ELAVL2: variants seen among roughly 807,000 people sequenced by gnomAD.
ELAVL2 encodes the protein ELAV like RNA binding protein 2.
A neutral mutation model predicts 34.6 loss-of-function variants in ELAVL2; 4 were observed. The observed-to-expected ratio is 0.12, with a 90% CI of 0.06 to 0.26. The LOEUF is 0.26. Among genes scored for constraint, ELAVL2 ranks in the 10% least tolerant of loss-of-function variants. ELAVL2 has a pLI of 1.00. For missense variants in ELAVL2, 432 were observed against 442.8 expected, an observed-to-expected ratio of 0.98 and a Z score of 0.22; for synonymous variants, 193 against 154.8, an observed-to-expected ratio of 1.25 and a Z score of -1.83.
At chr9:23,833,119 T>C in the ELAVL2 span, among the ~76,000 whole-genome samples, 7 of 152,076 alleles carry the variant, frequency 4.6e-5, no homozygotes, top group East Asian at 5.8e-4. Flanking sequence ...GTGTATCCTT[T>C]AATGAGAGAG....
chr9:23,770,826 G>A (rs1438747623), intron 1 of ELAVL2, among the ~76,000 whole-genome samples: 2 of 152,100 alleles, frequency 1.3e-5, no homozygotes, highest in Admixed American at 1.3e-4. Flanking sequence ...TTTGTTAGAG[G>A]TCTAACAGGA....
intron 2 of ELAVL2, among the ~76,000 whole-genome samples, chr9:23,761,621 C>T (rs1420883749): frequency 6.6e-6 from 1 of 151,958 alleles, no homozygotes; most frequent in Non-Finnish European, 1.5e-5. Context: ...AAGGAAAACA[C>T]ATTTTAAGAT....
chr9:23,697,727 C>G (rs1051099750), intron 5 of ELAVL2, among the ~76,000 whole-genome samples: 2 of 151,936 alleles, frequency 1.3e-5, no homozygotes, highest in African/African-American at 4.8e-5. Context: ...TGCCTAATTT[C>G]TAAAAAAATT....
At chr9:23,777,137 A>G (rs1250323815) in intron 1 of ELAVL2, among the ~76,000 whole-genome samples, 1 of 152,244 alleles carries the variant, frequency 6.6e-6, no homozygotes, top group Non-Finnish European at 1.5e-5. Flanking sequence ...TAAAACTTTC[A>G]GGAAGTACCT....
intron 1 of ELAVL2, among the ~76,000 whole-genome samples, chr9:23,773,670 C>G (rs1222627264): frequency 1.3e-5 from 2 of 152,122 alleles, no homozygotes; most frequent in African/African-American, 4.8e-5. Flanking sequence ...CAATTACAGG[C>G]TACATTTTAA....
At chr9:23,729,783 G>C (rs868573815) in intron 3 of ELAVL2, among the ~76,000 whole-genome samples, 46 of 152,132 alleles carry the variant, frequency 3.0e-4, no homozygotes, top group South Asian at 1.5e-3. Context: ...AAAGACTGAT[G>C]TGTCAAAACC....
rs191874052 is a variant in ELAVL2, at chr9:23,808,383, T to A, written c.-16+17423A>T. 3.9e-5 allele frequency among the ~76,000 whole-genome samples: 6 copies of A among 152,294 alleles called. No individual in the cohort carries two copies. The East Asian group carries it at 1.2e-3, about 29-fold the overall frequency. On this transcript the variant is annotated intron_variant, in intron 1 of 6. Transcript: ENST00000397312. ...ACTATAGTCTTAATACCTAAGGTAG[T>A]ATATGTGGCATATAGCAAGATCACA...
chr9:23,840,323 T>C, the ELAVL2 span, among the ~76,000 whole-genome samples: 1 of 152,202 alleles, frequency 6.6e-6, no homozygotes, highest in Non-Finnish European at 1.5e-5. Context: ...TGAGGTTTTT[T>C]TCTTTTCAAG....
At chr9:23,718,346 C>T (rs1226145152) in intron 3 of ELAVL2, among the ~76,000 whole-genome samples, 5 of 152,024 alleles carry the variant, frequency 3.3e-5, no homozygotes, top group Non-Finnish European at 5.9e-5. Context: ...GTGTTTTGGG[C>T]CCTGATTTGA....
intron 5 of ELAVL2, among the ~76,000 whole-genome samples, chr9:23,694,324 C>T (rs2034337122): frequency 6.6e-6 from 1 of 151,546 alleles, no homozygotes; most frequent in Non-Finnish European, 1.5e-5. Context: ...TCTTTAAAAC[C>T]TTCTACATTT....
rs1235390231 is a variant in ELAVL2, at chr9:23,731,025, T to C, written c.330A>G (p.Ile110Met). 1.9e-6 allele frequency: 3 copies of C among 1,611,016 alleles called. No homozygotes were observed. The highest frequency in any genetic ancestry group is 1.7e-5 in the Admixed American group (1 of 59,664). Residue 110 changes from isoleucine (I) to methionine (M), a missense_variant, in exon 3 of 7, where the codon ATA becomes ATG. Around this residue, in one of 3 missense-constraint regions of ELAVL2, gnomAD observed 5 missense variants for 18.4 expected, o/e 0.27. Transcript: ENST00000397312. ...LNGLRLQTKT[I>M]KVSYARPSSA... The stretch of plus-strand genomic sequence containing the variant: ...TATAAAAAAACTTTAAACATACTTT[T>C]ATTGTTTTGGTTTGAAGTCTCAATC...
chr9:23,799,553 A>G (rs1343681379), intron 1 of ELAVL2, among the ~76,000 whole-genome samples: 3 of 152,176 alleles, frequency 2.0e-5, no homozygotes, highest in African/African-American at 7.2e-5. Flanking sequence ...TCTCACATCT[A>G]ATTACAATAT....
chr9:23,707,597 G>A (rs1347382383), intron 3 of ELAVL2, among the ~76,000 whole-genome samples: 1 of 152,136 alleles, frequency 6.6e-6, no homozygotes, highest in Admixed American at 6.6e-5. Flanking sequence ...AGGAGGCAGT[G>A]GAAATGTGGT....
At chr9:23,785,543 A>G (rs2059577032) in intron 1 of ELAVL2, among the ~76,000 whole-genome samples, 2 of 152,226 alleles carry the variant, frequency 1.3e-5, no homozygotes, top group Non-Finnish European at 2.9e-5. Context: ...CTTTAAGGAT[A>G]GTGTGAAAAC....
At chr9:23,783,782 G>A (rs542205807) in intron 1 of ELAVL2, among the ~76,000 whole-genome samples, 84 of 151,690 alleles carry the variant, frequency 5.5e-4, no homozygotes, top group African/African-American at 2.0e-3. Context: ...ATTGTATCTG[G>A]ATGACAGATG....
At chr9:23,810,714 T>C (rs1418163791) in intron 1 of ELAVL2, among the ~76,000 whole-genome samples, 8 of 152,154 alleles carry the variant, frequency 5.3e-5, no homozygotes, top group South Asian at 4.1e-4. Context: ...CCCCACTTGG[T>C]TGTATCCTTG....
At chr9:23,720,981 G>A (rs1320843024) in intron 3 of ELAVL2, among the ~76,000 whole-genome samples, 1 of 152,124 alleles carries the variant, frequency 6.6e-6, no homozygotes, top group Non-Finnish European at 1.5e-5. Flanking sequence ...TAAAGTGTTG[G>A]CAGTCTCTTG....
chr9:23,816,704 G>A (rs1474874767), intron 1 of ELAVL2, among the ~76,000 whole-genome samples: 1 of 152,074 alleles, frequency 6.6e-6, no homozygotes, highest in Non-Finnish European at 1.5e-5. Context: ...TCTATGGTAA[G>A]AGACTCTCTC....
chr9:23,729,641 G>C (rs2046074892), intron 3 of ELAVL2, among the ~76,000 whole-genome samples: 1 of 151,886 alleles, frequency 6.6e-6, no homozygotes, highest in Non-Finnish European at 1.5e-5. Flanking sequence ...TCTTTTCATA[G>C]AACAGTTTCT....
Sources: allele counts gnomAD v4.1 joint callset (sites outside exome capture counted in the v4.1 genomes callset), GRCh38; gene constraint gnomAD v4.1.1; regional missense constraint gnomAD v4.1.1; transcripts MANE v1.5; gene names NCBI Gene and HGNC (gene_info 2026-07-23, HGNC 2026-07-21).